C4orf17: variants seen among roughly 807,000 people sequenced by gnomAD.
The protein encoded by C4orf17 is chromosome 4 open reading frame 17.
A neutral mutation model predicts 32.0 loss-of-function variants in C4orf17; 25 were observed. That is an observed-to-expected ratio of 0.78 (90% CI 0.57 to 1.09). The LOEUF (loss-of-function observed/expected upper bound fraction) is 1.09. Ranked by LOEUF, C4orf17 falls within the 50% of genes least tolerant of loss-of-function variation. The probability of loss-of-function intolerance (pLI) is 0.00; values close to 1 mark genes in which losing one functional copy is unlikely to be tolerated. For synonymous variants in C4orf17, 149 were observed against 145.8 expected (o/e 1.02, Z -0.16); for missense variants, 420 against 420.0 (o/e 1.00, Z 0.00).
rs1723086920 is a variant in C4orf17, at chr4:99,511,146, C to T, written c.-220C>T. 1 of 152,138 alleles carries T rather than the reference C, an allele frequency of 6.6e-6. No individual in the cohort carries two copies. The highest frequency in any genetic ancestry group is 6.5e-5 in the Admixed American group (1 of 15,268). The allele number at this position is 152,138 out of a possible 1,614,324, so 9.4% of individuals were successfully genotyped here. On this transcript the variant is annotated 5_prime_UTR_variant, in exon 1 of 9. Coordinates refer to ENST00000326581, the MANE Select transcript of C4orf17 (RefSeq NM_032149.3). ...GTCTGTCTCTACCAACTAAAAACTT[C>T]TAGCTTAAGTGCAGAGATTTAAGGA...
chr4:99,522,380 AACATT>A (rs1326690341), intron 2 of C4orf17, 115 bp from the exon 3 acceptor site: 2 of 792,852 alleles, frequency 2.5e-6, no homozygotes, highest in African/African-American at 3.5e-5. Context: ...TTTGAAGTTC[AACATT>A]TTACATACAT....
rs150161524 is a variant in C4orf17, at chr4:99,522,678, C to T, written c.306C>T (p.Asn102=). 2.6e-5 allele frequency: 42 copies of T among 1,613,746 alleles called. No individual in the cohort carries two copies. The highest frequency in any genetic ancestry group is 3.3e-5 in the Non-Finnish European group (39 of 1,179,936). ...SPVRGMSPAP[N]GAKVPPRPHS... ...TAAGAGGAATGTCGCCAGCCCCAAA[C>T]GGTGCCAAAGTGCCTCCACGGCCTC... The change falls in exon 3 of 9, where the codon AAC becomes AAT. Residue 102 remains asparagine (N), a synonymous_variant. Transcript: ENST00000326581.
chr4:99,539,394 A>T, intron 7 of C4orf17, 24 bp downstream of exon 7: 1 of 1,555,664 alleles, frequency 6.4e-7, no homozygotes, highest in Non-Finnish European at 8.9e-7. Flanking sequence ...ATGGCCCCCT[A>T]GAGGGAGGGC....
intron 3 of C4orf17, among the ~76,000 whole-genome samples, chr4:99,523,535 A>G (rs2110168732): frequency 6.6e-6 from 1 of 152,290 alleles, no homozygotes; most frequent in East Asian, 1.9e-4. Context: ...TCTGCTAGCA[A>G]TGAAGAGTCA....
chr4:99,522,471 GTC>G (rs1723305188), intron 2 of C4orf17, 27 bp from the exon 3 acceptor site: 1 of 1,559,864 alleles, frequency 6.4e-7, no homozygotes, highest in African/African-American at 1.4e-5. Context: ...TGCTTGATCT[GTC>G]TCTTTTTTTA....
chr4:99,537,716 A>C lies in C4orf17; in HGVS notation c.594A>C (p.Glu198Asp). The change falls in exon 6 of 9, where the codon GAA (glutamate) becomes GAC (aspartate). Residue 198 changes from glutamate (E) to aspartate (D), a missense_variant. Glu to Asp is a conservative substitution (Grantham distance 45, BLOSUM62 2). Transcript: ENST00000326581. ...TTTTGCATACTGATTCTCTGGCAGA[A>C]GTTTTACAGTGGCTGCTTCATGCAA... ...CSILHTDSLA[E>D]VLQWLLHATS... 1 of 1,612,920 alleles carries C rather than the reference A, an allele frequency of 6.2e-7. No homozygotes were observed. The highest frequency in any genetic ancestry group is 1.3e-5 in the African/African-American group (1 of 75,038).
chr4:99,531,989 A>G (rs1723484294), intron 5 of C4orf17, among the ~76,000 whole-genome samples: 2 of 152,184 alleles, frequency 1.3e-5, no homozygotes, highest in African/African-American at 4.8e-5. Context: ...TTAAAAGGAA[A>G]GAGAAACATA....
intron 1 of C4orf17, 143 bp downstream of exon 1, chr4:99,511,415 C>T (rs1486628472): frequency 6.8e-6 from 1 of 146,960 alleles, no homozygotes; most frequent in Non-Finnish European, 1.5e-5. Flanking sequence ...ACATTGTTTT[C>T]TTGTTGACTT....
At chr4:99,539,761 G>A (rs888278838) in intron 7 of C4orf17, among the ~76,000 whole-genome samples, 1 of 152,068 alleles carries the variant, frequency 6.6e-6, no homozygotes, top group Non-Finnish European at 1.5e-5. Flanking sequence ...TTTGTTAAAT[G>A]TGTATCACAC....
intron 2 of C4orf17, 88 bp from the exon 3 acceptor site, chr4:99,522,412 G>A: frequency 1.0e-6 from 1 of 997,284 alleles, no homozygotes; most frequent in Middle Eastern, 2.4e-4. Flanking sequence ...ATATTTGGTT[G>A]GGAAATTGTT....
chr4:99,539,131 C>T, intron 6 of C4orf17, 32 bp from the exon 7 acceptor site: 1 of 1,592,986 alleles, frequency 6.3e-7, no homozygotes, highest in Non-Finnish European at 8.6e-7. Flanking sequence ...GCAACCTTCA[C>T]TCCTCCCACC....
At chr4:99,514,478 C>T (rs1032402735) in intron 2 of C4orf17, among the ~76,000 whole-genome samples, 4 of 152,070 alleles carry the variant, frequency 2.6e-5, no homozygotes, top group Non-Finnish European at 2.9e-5. Flanking sequence ...AGAAGATCTA[C>T]AGACAGCCAA....
intron 8 of C4orf17, chr4:99,541,016 C>T (rs1368066418): frequency 6.6e-6 from 1 of 152,340 alleles, no homozygotes; most frequent in African/African-American, 2.4e-5. Flanking sequence ...CCAAAGTATC[C>T]TTATAGGTTT....
intron 2 of C4orf17, among the ~76,000 whole-genome samples, chr4:99,518,717 T>A (rs1439599874): frequency 6.7e-6 from 1 of 150,338 alleles, no homozygotes; most frequent in African/African-American, 2.5e-5. Context: ...TCATCTCCTA[T>A]CAACTCCCTC....
At chr4:99,534,000 C>G (rs1723519066) in intron 5 of C4orf17, among the ~76,000 whole-genome samples, 1 of 152,120 alleles carries the variant, frequency 6.6e-6, no homozygotes, top group Non-Finnish European at 1.5e-5. Flanking sequence ...ATTTTAAGTT[C>G]CGGGGTACAT....
At chr4:99,529,353 T>G (rs1447781539) in intron 4 of C4orf17, among the ~76,000 whole-genome samples, 1 of 152,176 alleles carries the variant, frequency 6.6e-6, no homozygotes. Flanking sequence ...GGGAAGAAAT[T>G]TAGTTTGCCT....
At chr4:99,525,302 T>A (rs6839145) in intron 4 of C4orf17, among the ~76,000 whole-genome samples, 10,730 of 152,254 alleles carry the variant, frequency 0.07, 634 homozygotes, top group African/African-American at 0.16. Context: ...GTGTATGAGT[T>A]TTTTTTCCTC....
rs1342418925 is a variant in C4orf17 at position 99,518,508 on chromosome 4, AAAAAAAAAAAATATAT to A, written c.128-3990_128-3975del. On this transcript the variant is annotated intron_variant, in intron 2 of 8. Transcript: ENST00000326581. ...TTTAAAAAAAAAAAAAAAAAAAAAA[AAAAAAAAAAAATATAT>A]ATATATATATATATATATATAGAGA... Among the ~76,000 whole-genome samples, 34 of 70,624 alleles carry A rather than the reference AAAAAAAAAAAATATAT, an allele frequency of 4.8e-4. 1 individual carries two copies. Among genetic ancestry groups the A allele is most frequent in the African/African-American group, 2.7e-3 (31 of 11,356 alleles). The allele number at this position is 70,624 out of a possible 152,430, so 46.3% of individuals were successfully genotyped here. A position where few individuals can be genotyped will look rare whatever the true frequency, so the allele number is the denominator to read the frequency against.
At chr4:99,522,094 T>C (rs1433730109) in intron 2 of C4orf17, among the ~76,000 whole-genome samples, 2 of 152,268 alleles carry the variant, frequency 1.3e-5, no homozygotes, top group South Asian at 2.1e-4. Context: ...CATTGAGGCA[T>C]TCTGAGTGCT....
Sources: allele counts gnomAD v4.1 joint callset (sites outside exome capture counted in the v4.1 genomes callset), GRCh38; gene constraint gnomAD v4.1.1; transcripts MANE v1.5; gene names NCBI Gene and HGNC (gene_info 2026-07-23, HGNC 2026-07-21).